The following DNAH11 variants were observed in gnomAD, a reference collection of about 807,000 sequenced individuals.
DNAH11 encodes the protein dynein axonemal heavy chain 11.
DNAH11 carries 442 observed loss-of-function variants against 526.0 expected under a neutral mutation model. That is an observed-to-expected ratio of 0.84 (90% CI 0.78 to 0.91). DNAH11 has a LOEUF of 0.91. Ranked by LOEUF, DNAH11 falls within the 40% of genes least tolerant of loss-of-function variation. The probability of loss-of-function intolerance (pLI) is 0.00; values close to 1 mark genes in which losing one functional copy is unlikely to be tolerated. For missense variants in DNAH11, 6,989 were observed against 5,448.7 expected (o/e 1.28, Z -8.90); for synonymous variants, 2,461 against 1,935.9 (o/e 1.27, Z -7.12).
chr7:21,823,659 T>C (rs1327102674), intron 65 of DNAH11, among the ~76,000 whole-genome samples: 1 of 152,158 alleles, frequency 6.6e-6, no homozygotes, highest in African/African-American at 2.4e-5. Context: ...AAGAATCATA[T>C]ACTATATGCC....
At chr7:21,813,862 C>T (rs931059906) in intron 63 of DNAH11, among the ~76,000 whole-genome samples, 1 of 152,124 alleles carries the variant, frequency 6.6e-6, no homozygotes, top group South Asian at 2.1e-4. Flanking sequence ...AACCCATTTT[C>T]CTTGCTGCAG....
intron 39 of DNAH11, among the ~76,000 whole-genome samples, chr7:21,706,488 G>A (rs896243338): frequency 5.9e-5 from 9 of 151,902 alleles, no homozygotes; most frequent in Non-Finnish European, 2.9e-5. Context: ...TTTTTCTAGT[G>A]AAAAATATAA....
At chr7:21,546,842 C>T (rs1209898896) in intron 2 of DNAH11, among the ~76,000 whole-genome samples, 2 of 152,084 alleles carry the variant, frequency 1.3e-5, no homozygotes, top group African/African-American at 2.4e-5. Flanking sequence ...CTAGAGGGGC[C>T]TGGGCTTCTG....
intron 29 of DNAH11, among the ~76,000 whole-genome samples, chr7:21,656,311 C>T (rs1365808351): frequency 1.3e-5 from 2 of 152,140 alleles, no homozygotes; most frequent in Non-Finnish European, 2.9e-5. Flanking sequence ...AAAGAGTATT[C>T]TGTTTTCACC....
At chr7:21,760,082 A>G (rs1435889667) in intron 54 of DNAH11, among the ~76,000 whole-genome samples, 2 of 151,756 alleles carry the variant, frequency 1.3e-5, no homozygotes, top group Non-Finnish European at 2.9e-5. Flanking sequence ...AACTAACTTA[A>G]GCCAATTTGC....
intron 70 of DNAH11, among the ~76,000 whole-genome samples, chr7:21,865,166 G>T (rs1416166348): frequency 2.0e-5 from 3 of 151,346 alleles, no homozygotes; most frequent in Non-Finnish European, 4.4e-5. Flanking sequence ...GCATTTTTCT[G>T]TCAAAGGCCC....
intron 61 of DNAH11, among the ~76,000 whole-genome samples, 182 bp from the exon 62 acceptor site, chr7:21,800,955 A>T (rs1369975806): frequency 6.6e-6 from 1 of 152,170 alleles, no homozygotes; most frequent in Admixed American, 6.5e-5. Context: ...GGTGGCACTG[A>T]TGTGTTTATT....
intron 34 of DNAH11, among the ~76,000 whole-genome samples, chr7:21,688,429 A>G (rs572175245): frequency 1.1e-3 from 163 of 152,232 alleles, no homozygotes; most frequent in Non-Finnish European, 2.0e-3. Flanking sequence ...CACAGGCCCC[A>G]GTCTTTGGAT....
At chr7:21,748,804 C>T in intron 52 of DNAH11, 62 bp downstream of exon 52, 1 of 1,526,630 alleles carries the variant, frequency 6.6e-7, no homozygotes, top group East Asian at 2.4e-5. Flanking sequence ...GCCGAGGCTC[C>T]TAGTGCGCCC....
In DNAH11 at chr7:21,789,280, C is replaced by G. The variant is rs1788330148; in HGVS notation, c.9964C>G (p.Gln3322Glu). ...DVEPKRQALA[Q>E]ANLELAAATE... is the part of the protein sequence containing the mutation. ...GGAGCCAAAACGCCAAGCATTAGCC[C>G]AAGCAAACTTAGAACTGGCTGCAGC... is the stretch of plus-strand genomic sequence containing the variant. Residue 3322 changes from glutamine (Q) to glutamate (E), a missense_variant, in exon 61 of 82, where the codon CAA becomes GAA. Coordinates refer to ENST00000409508, the MANE Select transcript of DNAH11 (RefSeq NM_001277115.2). The G allele has an allele frequency of 1.9e-6, 3 of 1,578,124 alleles. No individual in the cohort carries two copies. In the African/African-American group the frequency reaches 4.0e-5, roughly 21 times the overall value.
intron 79 of DNAH11, among the ~76,000 whole-genome samples, chr7:21,897,609 A>T (rs559252791): frequency 2.0e-5 from 2 of 99,004 alleles, no homozygotes; most frequent in Admixed American, 1.1e-4. Flanking sequence ...GGAAAACTCA[A>T]ATTTTCTAGA....
chr7:21,641,568 C>G (rs1019727995), intron 28 of DNAH11, among the ~76,000 whole-genome samples: 1 of 152,198 alleles, frequency 6.6e-6, no homozygotes, highest in Non-Finnish European at 1.5e-5. Context: ...ATTCTTGTCA[C>G]CAACTCTGTT....
At chr7:21,738,918 G>C in intron 47 of DNAH11, 52 bp downstream of exon 47, 21 of 1,307,472 alleles carry the variant, frequency 1.6e-5, no homozygotes, top group Non-Finnish European at 1.9e-5. Context: ...AATTATTATG[G>C]ATAATAATTA....
chr7:21,841,477 G>T (rs570141101), intron 65 of DNAH11, among the ~76,000 whole-genome samples: 7 of 152,160 alleles, frequency 4.6e-5, no homozygotes. Context: ...CACTGTCTGT[G>T]TGGAGTTTGC....
intron 63 of DNAH11, among the ~76,000 whole-genome samples, chr7:21,809,461 C>G (rs1789411458): frequency 6.6e-6 from 1 of 152,164 alleles, no homozygotes; most frequent in African/African-American, 2.4e-5. Context: ...GAAGCATTTT[C>G]CCAATTTTTC....
At chr7:21,678,039 T>A (rs1782973766) in intron 30 of DNAH11, among the ~76,000 whole-genome samples, 1 of 152,134 alleles carries the variant, frequency 6.6e-6, no homozygotes, top group Admixed American at 6.5e-5. Flanking sequence ...ATTTTGTTGA[T>A]TTTTTTCTGT....
chr7:21,739,485 G>T, intron 47 of DNAH11, 86 bp from the exon 48 acceptor site: 1 of 928,912 alleles, frequency 1.1e-6, no homozygotes, highest in Non-Finnish European at 1.7e-6. Context: ...GAGGTAATCT[G>T]CGATGAAGAC....
At chr7:21,839,297 G>A (rs1036440864) in intron 65 of DNAH11, among the ~76,000 whole-genome samples, 5 of 152,054 alleles carry the variant, frequency 3.3e-5, no homozygotes, top group African/African-American at 1.2e-4. Flanking sequence ...GATGCCGACC[G>A]GGTATGGTGA....
Position 21,544,439 on chromosome 7 carries a change from T to A in DNAH11, c.352-567T>A, listed in dbSNP as rs538895361. ...TTTAGGACTCTCCTAATTGTAACTT[T>A]AAAAAAAATAAGTTTGTCAGTAGAC... On this transcript the variant is annotated intron_variant, in intron 1 of 81. Coordinates refer to ENST00000409508, the MANE Select transcript of DNAH11 (RefSeq NM_001277115.2). Among the ~76,000 whole-genome samples the A allele has an allele frequency of 3.3e-5, 5 of 152,172 alleles. No individual in the cohort carries two copies. In the East Asian group the frequency reaches 5.8e-4, roughly 18 times the overall value.
Sources: gnomAD v4.1 joint callset for allele counts (sites outside exome capture counted in the v4.1 genomes callset) on GRCh38, gnomAD v4.1.1 for gene constraint, MANE v1.5 for transcripts, NCBI Gene and HGNC (gene_info 2026-07-23, HGNC 2026-07-21) for gene names.